Variants in SLC7A6 observed in about 807,000 individuals in gnomAD.
SLC7A6 encodes Y+L amino acid transporter 2.
A neutral mutation model predicts 46.6 loss-of-function variants in SLC7A6; 29 were observed. The ratio of observed to expected loss-of-function variants is 0.62; its 90% CI spans 0.46 to 0.85. The LOEUF (loss-of-function observed/expected upper bound fraction) is 0.85. Ranked by LOEUF, SLC7A6 falls within the 40% of genes least tolerant of loss-of-function variation. SLC7A6 has a pLI of 0.00. For missense variants in SLC7A6, 527 were observed against 647.6 expected (o/e 0.81, Z 2.02); for synonymous variants, 276 against 257.3 (o/e 1.07, Z -0.70).
At position 68,264,571 on chromosome 16, in the gene SLC7A6, T is replaced by C. The variant is rs1299311805; in HGVS notation, c.-171T>C. 3.3e-5 allele frequency: 5 copies of C among 151,952 alleles called. No individual in the cohort carries two copies. Among genetic ancestry groups the C allele is most frequent in the African/African-American group, 1.2e-4 (5 of 41,282 alleles). 9.4% of individuals were successfully genotyped at this position (151,952 alleles called of 1,614,324 possible). ...GAGCATCCTGGCGGCGCCGGGCCAC[T>C]GGGAGGTAACGGGCTGGGCCATGGG... On this transcript the variant is annotated 5_prime_UTR_variant, in exon 1 of 11. Transcript: ENST00000219343. The surrounding 1 kb of genome is among the most constrained non-coding windows in gnomAD (Gnocchi z 5.8).
intron 5 of SLC7A6, 65 bp from the exon 6 acceptor site, chr16:68,291,144 C>T: frequency 4.4e-6 from 7 of 1,606,470 alleles, no homozygotes; most frequent in Non-Finnish European, 6.0e-6. Flanking sequence ...CCAGTGGAGA[C>T]TTGATAAACT....
chr16:68,276,099 C>A (rs565747892), intron 3 of SLC7A6, among the ~76,000 whole-genome samples: 102 of 152,350 alleles, frequency 6.7e-4, no homozygotes, highest in Non-Finnish European at 1.3e-3. Context: ...CTGCTCTTTG[C>A]GGCTTGCTCT....
At chr16:68,290,027 C>G (rs1018387116) in intron 4 of SLC7A6, 3 of 186,840 alleles carry the variant, frequency 1.6e-5, no homozygotes, top group African/African-American at 7.1e-5. Context: ...AGATCATTTG[C>G]AGGAAATGGA....
chr16:68,291,148 A>G, intron 5 of SLC7A6, 61 bp from the exon 6 acceptor site: 1 of 1,610,026 alleles, frequency 6.2e-7, no homozygotes, highest in Non-Finnish European at 8.5e-7. Context: ...TGGAGACTTG[A>G]TAAACTTTGT....
intron 3 of SLC7A6, among the ~76,000 whole-genome samples, chr16:68,278,721 G>T (rs1361662844): frequency 2.0e-5 from 3 of 152,180 alleles, no homozygotes; most frequent in Non-Finnish European, 4.4e-5. Flanking sequence ...TTTCTACACA[G>T]ACATAGCAAC....
At chr16:68,269,341 A>G (rs550615314) in intron 2 of SLC7A6, among the ~76,000 whole-genome samples, 1 of 152,292 alleles carries the variant, frequency 6.6e-6, no homozygotes, top group African/African-American at 2.4e-5. Flanking sequence ...ACTGATTGCC[A>G]GATACCGTGT....
Position 68,275,248 on chromosome 16 carries a change from A to C in SLC7A6, c.522A>C (p.Ile174=). The C allele has an allele frequency of 7.1e-7, 1 of 1,415,128 alleles. No homozygotes were observed. 87.7% of individuals were successfully genotyped at this position (1,415,128 alleles called of 1,614,324 possible). A position where few individuals can be genotyped will look rare whatever the true frequency, so the allele number is the denominator to read the frequency against. The change falls in exon 3 of 11, where the codon ATA becomes ATC. Residue 174 remains isoleucine, a splice_region_variant and synonymous_variant. Coordinates refer to ENST00000219343, the MANE Select transcript of SLC7A6 (RefSeq NM_003983.6). ...LACRLLAAAC[I]CLLTFVNCAY... is the part of the protein sequence containing the mutation. ...GCCGTCTCCTGGCTGCTGCTTGCAT[A>C]TGTAAGTGGGGGCTGAGATTGGGAG...
Position 68,297,368 on chromosome 16 carries a change from A to C in SLC7A6, c.*40A>C. On this transcript the variant is annotated 3_prime_UTR_variant, in exon 11 of 11. Transcript: ENST00000219343. ...TTTCTGAGGCCTGGAAGGCAGGCCAACCAGCAAAATCCTGATAACAAGACT... is the reference window on the plus strand; with the variant it reads ...TTTCTGAGGCCTGGAAGGCAGGCCACCCAGCAAAATCCTGATAACAAGACT... 1 of 1,553,038 alleles carries C rather than the reference A, an allele frequency of 6.4e-7. No homozygotes were observed. The highest frequency in any genetic ancestry group is 8.9e-7 in the Non-Finnish European group (1 of 1,127,642).
intron 7 of SLC7A6, among the ~76,000 whole-genome samples, chr16:68,294,501 C>T (rs944697931): frequency 3.3e-5 from 5 of 150,766 alleles, no homozygotes; most frequent in Non-Finnish European, 5.9e-5. Context: ...GTGAGGTGCC[C>T]GGGGATGAAG....
At chr16:68,269,446 A>G (rs2042587753) in intron 2 of SLC7A6, among the ~76,000 whole-genome samples, 1 of 152,196 alleles carries the variant, frequency 6.6e-6, no homozygotes, top group Non-Finnish European at 1.5e-5. Context: ...TTGAACTCCT[A>G]GTCAGGAGAC....
At chr16:68,280,112 G>A (rs1009521187) in intron 3 of SLC7A6, among the ~76,000 whole-genome samples, 1 of 152,226 alleles carries the variant, frequency 6.6e-6, no homozygotes, top group Non-Finnish European at 1.5e-5. Context: ...AGTAGAGGCG[G>A]CAGTGGGAAC....
At chr16:68,285,782 T>C (rs181620379) in intron 3 of SLC7A6, among the ~76,000 whole-genome samples, 8 of 152,152 alleles carry the variant, frequency 5.3e-5, no homozygotes, top group African/African-American at 9.6e-5. Flanking sequence ...GTGCCCCTCT[T>C]TGCTTGGTGA....
At chr16:68,286,907 G>C (rs2042946501) in intron 3 of SLC7A6, among the ~76,000 whole-genome samples, 1 of 152,104 alleles carries the variant, frequency 6.6e-6, no homozygotes, top group Non-Finnish European at 1.5e-5. Flanking sequence ...AATGGGAATA[G>C]GAATATCTGT....
chr16:68,291,553 C>A lies in SLC7A6; in HGVS notation c.919-5C>A. The stretch of plus-strand genomic sequence containing the variant: ...TTAAGTGCCTTTTCTGTGCCCTGCC[C>A]CCAGACATTTGCTGACCAGACGTTT... On this transcript the variant is annotated splice_polypyrimidine_tract_variant and splice_region_variant and intron_variant, in intron 6 of 10. Transcript: ENST00000219343. 1 of 1,614,036 alleles carries A rather than the reference C, an allele frequency of 6.2e-7. No homozygotes were observed. Among genetic ancestry groups the A allele is most frequent in the Non-Finnish European group, 8.5e-7 (1 of 1,179,994 alleles).
intron 7 of SLC7A6, among the ~76,000 whole-genome samples, chr16:68,293,461 G>C (rs904487351): frequency 2.6e-5 from 4 of 152,084 alleles, no homozygotes; most frequent in African/African-American, 9.7e-5. Flanking sequence ...CCTCTGCTCA[G>C]CCTAGTTGTG....
At chr16:68,275,596 CAA>C (rs10578259) in intron 3 of SLC7A6, among the ~76,000 whole-genome samples, 56,680 of 100,286 alleles carry the variant, frequency 0.57, 13,944 homozygotes, top group East Asian at 0.76. Flanking sequence ...ACTCTGTCTC[CAA>C]AAAAAAAAAA....
intron 1 of SLC7A6, among the ~76,000 whole-genome samples, chr16:68,266,130 G>T (rs2042528803): frequency 6.6e-6 from 1 of 151,954 alleles, no homozygotes; most frequent in Non-Finnish European, 1.5e-5. Context: ...TGTGGTGGTG[G>T]GCACCTGTAG....
At chr16:68,293,115 T>C (rs1203390577) in intron 7 of SLC7A6, among the ~76,000 whole-genome samples, 1 of 152,144 alleles carries the variant, frequency 6.6e-6, no homozygotes, top group Non-Finnish European at 1.5e-5. Flanking sequence ...GTCAAGGCCT[T>C]GTAAAAGAAC....
rs534907626 is a variant in SLC7A6, at chr16:68,283,895, G to C, written c.524-3851G>C. ...ACTCTGATAGTTTATGGTAAGCTAG[G>C]GGGGCTGGGAGTTCTGGGAAGCAAT... is the stretch of plus-strand genomic sequence containing the variant. On this transcript the variant is annotated intron_variant, in intron 3 of 10. Coordinates refer to ENST00000219343, the MANE Select transcript of SLC7A6 (RefSeq NM_003983.6). Among the ~76,000 whole-genome samples, 6 of 152,308 alleles carry C rather than the reference G, an allele frequency of 3.9e-5. No homozygotes were observed. In the South Asian group the frequency reaches 6.2e-4, roughly 16 times the overall value.
Sources: allele counts gnomAD v4.1 joint callset (sites outside exome capture counted in the v4.1 genomes callset), GRCh38; gene constraint gnomAD v4.1.1; non-coding constraint Gnocchi (gnomAD v3.1); transcripts MANE v1.5; gene names NCBI Gene and HGNC (gene_info 2026-07-23, HGNC 2026-07-21).